Variants in ADAMTS19 observed in about 807,000 individuals in gnomAD.
ADAMTS19 encodes the protein ADAM metallopeptidase with thrombospondin type 1 motif 19.
Under a neutral mutation model 153.3 loss-of-function variants are expected in ADAMTS19, and 93 were observed. The observed-to-expected ratio is 0.61, with a 90% CI of 0.51 to 0.72. The LOEUF (loss-of-function observed/expected upper bound fraction) is 0.72, where lower values mean the gene tolerates loss of function less well. Among genes scored for constraint, ADAMTS19 ranks in the 30% least tolerant of loss-of-function variants. The pLI is 0.00. For synonymous variants in ADAMTS19, 600 were observed against 556.6 expected, an observed-to-expected ratio of 1.08 and a Z score of -1.10; for missense variants, 1,482 against 1,552.1, an observed-to-expected ratio of 0.95 and a Z score of 0.76.
chr5:129,542,367 A>G (rs558040454), intron 6 of ADAMTS19, among the ~76,000 whole-genome samples: 1 of 152,306 alleles, frequency 6.6e-6, no homozygotes, highest in South Asian at 2.1e-4. Flanking sequence ...AATATGATGC[A>G]ATAGAAGGTG....
chr5:129,526,502 TAAGG>T, intron 4 of ADAMTS19, 46 bp downstream of exon 4: 1 of 1,524,718 alleles, frequency 6.6e-7, no homozygotes, highest in Non-Finnish European at 8.9e-7. Context: ...AAGAAAACTC[TAAGG>T]AAGACATGTG....
intron 6 of ADAMTS19, among the ~76,000 whole-genome samples, chr5:129,534,038 G>A (rs1752314868): frequency 6.6e-6 from 1 of 152,092 alleles, no homozygotes; most frequent in Non-Finnish European, 1.5e-5. Context: ...TTTGGAACAG[G>A]TGTGGTGTGG....
At chr5:129,555,660 C>G (rs1469682116) in intron 7 of ADAMTS19, among the ~76,000 whole-genome samples, 1 of 152,168 alleles carries the variant, frequency 6.6e-6, no homozygotes, top group Non-Finnish European at 1.5e-5. Flanking sequence ...TTTATCTACA[C>G]CAGTTTCTAT....
At chr5:129,666,961 G>A in intron 16 of ADAMTS19, among the ~76,000 whole-genome samples, 1 of 152,174 alleles carries the variant, frequency 6.6e-6, no homozygotes, top group South Asian at 2.1e-4. Context: ...GACACATGTG[G>A]CTAAATAAGC....
Position 129,551,969 on chromosome 5 carries a change from AG to A in ADAMTS19, c.1372+63del, listed in dbSNP as rs1753138583. The A allele has an allele frequency of 6.5e-6, 7 of 1,069,494 alleles. No homozygotes were observed. In the East Asian group the frequency reaches 1.9e-4, roughly 29 times the overall value. 66.3% of individuals were successfully genotyped at this position (1,069,494 alleles called of 1,614,324 possible). ...AGAACTTGAACATATCACTTGTTTA[AG>A]TATAGGAAATTATTTGTGTTCTGGT... On this transcript the variant is annotated intron_variant, in intron 7 of 22. Transcript: ENST00000274487.
Position 129,515,362 on chromosome 5 carries a change from T to A in ADAMTS19, c.913+6120T>A, listed in dbSNP as rs1751566298. ...ATTGGTGTTTTGATAGGGATTGTAT[T>A]GAATCTGTAGATTGCTTTGAGTAGT... On this transcript the variant is annotated intron_variant, in intron 3 of 22. Transcript: ENST00000274487. 2.0e-5 allele frequency among the ~76,000 whole-genome samples: 3 copies of A among 152,062 alleles called. No homozygotes were observed. In the South Asian group the frequency reaches 6.2e-4, roughly 31 times the overall value.
At chr5:129,595,823 T>C in intron 7 of ADAMTS19, among the ~76,000 whole-genome samples, 2 of 152,104 alleles carry the variant, frequency 1.3e-5, no homozygotes, top group East Asian at 3.9e-4. Flanking sequence ...TTTTCTGAAA[T>C]GATTATTCAA....
chr5:129,597,226 A>T (rs559710042), intron 8 of ADAMTS19, among the ~76,000 whole-genome samples: 2 of 152,198 alleles, frequency 1.3e-5, no homozygotes, highest in African/African-American at 4.8e-5. Flanking sequence ...TTATTGTTCT[A>T]ATTTTCATTT....
At chr5:129,606,224 A>G (rs558062899) in intron 8 of ADAMTS19, among the ~76,000 whole-genome samples, 3 of 152,290 alleles carry the variant, frequency 2.0e-5, no homozygotes, top group South Asian at 4.1e-4. Flanking sequence ...AATCAATAAC[A>G]TTTACATACA....
chr5:129,664,864 C>A (rs1036082158), intron 15 of ADAMTS19, among the ~76,000 whole-genome samples: 3 of 152,162 alleles, frequency 2.0e-5, no homozygotes, highest in Admixed American at 6.5e-5. Flanking sequence ...AGTATTATAT[C>A]CCTACATCTG....
At position 129,604,688 on chromosome 5, in the gene ADAMTS19, CTT is replaced by C. The variant is rs141723957; in HGVS notation, c.1478+8025_1478+8026del. Among the ~76,000 whole-genome samples, 1,100 of 152,214 alleles carry C rather than the reference CTT, an allele frequency of 7.2e-3. 13 individuals carry two copies. Among genetic ancestry groups the C allele is most frequent in the African/African-American group, 0.025 (1,043 of 41,538 alleles). ...CATTATGCATAGATTATCAGTGAAACTTGATTCAAAACAGATGCTGTATGCAT... is the reference window on the plus strand; with the variant it reads ...CATTATGCATAGATTATCAGTGAAACGATTCAAAACAGATGCTGTATGCAT... On this transcript the variant is annotated intron_variant, in intron 8 of 22. Coordinates refer to ENST00000274487, the MANE Select transcript of ADAMTS19 (RefSeq NM_133638.6).
chr5:129,534,874 C>T (rs1482930055), intron 6 of ADAMTS19, among the ~76,000 whole-genome samples: 1 of 152,186 alleles, frequency 6.6e-6, no homozygotes, highest in Middle Eastern at 3.4e-3. Flanking sequence ...AATTCAACAA[C>T]CTTCATGCTA....
chr5:129,616,989 C>T (rs1751562251), intron 8 of ADAMTS19, among the ~76,000 whole-genome samples: 1 of 152,016 alleles, frequency 6.6e-6, no homozygotes, highest in Admixed American at 6.6e-5. Context: ...ACAGCTTCAC[C>T]ATTAACCTCA....
At chr5:129,616,821 G>A (rs570444560) in intron 8 of ADAMTS19, among the ~76,000 whole-genome samples, 1 of 152,158 alleles carries the variant, frequency 6.6e-6, no homozygotes, top group Admixed American at 6.6e-5. Flanking sequence ...TCTACATGTA[G>A]AGGTACATTT....
intron 8 of ADAMTS19, among the ~76,000 whole-genome samples, chr5:129,610,421 T>A (rs1327657814): frequency 6.6e-6 from 1 of 152,138 alleles, no homozygotes. Flanking sequence ...GTATATCTCC[T>A]AATGCTATCC....
intron 21 of ADAMTS19, among the ~76,000 whole-genome samples, chr5:129,725,618 T>C (rs2127208897): frequency 6.6e-6 from 1 of 152,148 alleles, no homozygotes; most frequent in Middle Eastern, 3.4e-3. Flanking sequence ...CAGGGGCTGG[T>C]TGCAACTAAT....
intron 16 of ADAMTS19, 26 bp from the exon 17 acceptor site, chr5:129,679,738 C>G: frequency 6.4e-7 from 1 of 1,551,976 alleles, no homozygotes. Context: ...TGTTAATACT[C>G]ATTATATTTT....
intron 21 of ADAMTS19, among the ~76,000 whole-genome samples, chr5:129,715,750 T>C (rs1051881149): frequency 2.0e-5 from 3 of 152,206 alleles, no homozygotes; most frequent in African/African-American, 7.2e-5. Context: ...TTGTGAATTC[T>C]ATTTTGGACT....
intron 13 of ADAMTS19, among the ~76,000 whole-genome samples, chr5:129,650,959 G>A (rs1354272712): frequency 6.6e-6 from 1 of 152,002 alleles, no homozygotes; most frequent in Non-Finnish European, 1.5e-5. Context: ...CTAATAAATA[G>A]TTTCCCATCC....
Sources: gnomAD v4.1 joint callset for allele counts (sites outside exome capture counted in the v4.1 genomes callset) on GRCh38, gnomAD v4.1.1 for gene constraint, MANE v1.5 for transcripts, NCBI Gene and HGNC (gene_info 2026-07-23, HGNC 2026-07-21) for gene names.